The following ZDHHC6 variants were observed in gnomAD, a reference collection of about 807,000 sequenced individuals.
The protein encoded by ZDHHC6 is palmitoyltransferase ZDHHC6.
Under a neutral mutation model 57.8 loss-of-function variants are expected in ZDHHC6, and 32 were observed. That is an observed-to-expected ratio of 0.55 (90% CI 0.42 to 0.74). The LOEUF (loss-of-function observed/expected upper bound fraction) is 0.74. Ranked by LOEUF, ZDHHC6 falls within the 30% of genes least tolerant of loss-of-function variation. ZDHHC6 has a pLI of 0.00. For synonymous variants in ZDHHC6, 128 were observed against 158.0 expected (o/e 0.81, Z 1.42); for missense variants, 433 against 500.7 (o/e 0.86, Z 1.29).
rs150569777 is a variant in ZDHHC6 at position 112,444,264 on chromosome 10, C to T, written c.268-658G>A. On this transcript the variant is annotated intron_variant, in intron 2 of 10. Coordinates refer to ENST00000369405, the MANE Select transcript of ZDHHC6 (RefSeq NM_022494.3). ...CAGGGCTGTCTACTGTTTCTGAATA[C>T]GTGGTCCCACCATTCTTTCAACCTG... 3.1e-4 allele frequency among the ~76,000 whole-genome samples: 47 copies of T among 152,272 alleles called. No homozygotes were observed. The East Asian group carries it at 7.3e-3, about 24-fold the overall frequency.
intron 8 of ZDHHC6, 72 bp downstream of exon 8, chr10:112,433,168 T>C (rs1589722300): frequency 7.9e-7 from 1 of 1,268,000 alleles, no homozygotes; most frequent in Non-Finnish European, 1.1e-6. Context: ...AGTCAGTCAA[T>C]TAAAAAAACT....
chr10:112,444,997 A>G (rs559768540), intron 2 of ZDHHC6, among the ~76,000 whole-genome samples, 173 bp downstream of exon 2: 4 of 152,180 alleles, frequency 2.6e-5, no homozygotes, highest in Non-Finnish European at 5.9e-5. Context: ...CAATGTGTTC[A>G]AACAGATATG....
chr10:112,442,912 A>G (rs963444268), intron 3 of ZDHHC6, among the ~76,000 whole-genome samples: 2 of 140,744 alleles, frequency 1.4e-5, no homozygotes, highest in Non-Finnish European at 3.2e-5. Context: ...GATAGAAGAC[A>G]ATGTTTTGGC....
chr10:112,444,320 T>C (rs1414182267), intron 2 of ZDHHC6, among the ~76,000 whole-genome samples: 1 of 152,168 alleles, frequency 6.6e-6, no homozygotes, highest in East Asian at 1.9e-4. Context: ...CCTTTGGAAA[T>C]TCCCACTCCT....
At chr10:112,432,625 A>C (rs1845150964) in intron 8 of ZDHHC6, 104 bp from the exon 9 acceptor site, 1 of 1,419,788 alleles carries the variant, frequency 7.0e-7, no homozygotes. Flanking sequence ...ATCCAGTGAC[A>C]AGCCTTCTAG....
chr10:112,436,238 G>A (rs1257305174), intron 6 of ZDHHC6, among the ~76,000 whole-genome samples: 1 of 152,234 alleles, frequency 6.6e-6, no homozygotes, highest in Non-Finnish European at 1.5e-5. Context: ...ACTTTGGGAG[G>A]CCAAGGCGGG....
At chr10:112,447,018 T>TC, upstream of ZDHHC6, 2 of 297,796 alleles carry the variant, frequency 6.7e-6, no homozygotes, top group Non-Finnish European at 1.3e-5. Flanking sequence ...AGCGTGTGGA[T>TC]CCGGAGCCGA....
intron 3 of ZDHHC6, among the ~76,000 whole-genome samples, chr10:112,442,803 T>C (rs1021867230): frequency 6.6e-6 from 1 of 152,202 alleles, no homozygotes; most frequent in African/African-American, 2.4e-5. Flanking sequence ...TTCCTTCCTG[T>C]TCTCATAGTA....
chr10:112,434,479 GA>G lies in ZDHHC6; in HGVS notation c.736-16del. On this transcript the variant is annotated splice_polypyrimidine_tract_variant and intron_variant, in intron 6 of 10. Transcript: ENST00000369405. The stretch of plus-strand genomic sequence containing the variant: ...CGATCTTTAGCCTGTGGGTAACAAA[GA>G]TATAAGATGGCAGGTGCCTCTGTCT... 6.2e-7 allele frequency: 1 copy of G among 1,602,722 alleles called. No individual in the cohort carries two copies. Among genetic ancestry groups the G allele is most frequent in the Non-Finnish European group, 8.5e-7 (1 of 1,174,048 alleles).
At chr10:112,429,093 G>A (rs188960130), downstream of ZDHHC6, among the ~76,000 whole-genome samples, 478 of 152,250 alleles carry the variant, frequency 3.1e-3, no homozygotes, top group Non-Finnish European at 5.4e-3. Flanking sequence ...GCCTCCAACT[G>A]GAGTTAAAGA....
At chr10:112,425,436 G>C (rs1162508912), downstream of ZDHHC6, 1 of 1,613,242 alleles carries the variant, frequency 6.2e-7, no homozygotes, top group African/African-American at 1.3e-5. Flanking sequence ...TCTACAACAG[G>C]AGTCAACCAG....
chr10:112,431,373 G>A (rs1325744103), intron 10 of ZDHHC6, among the ~76,000 whole-genome samples: 1 of 151,802 alleles, frequency 6.6e-6, no homozygotes, highest in Admixed American at 6.6e-5. Flanking sequence ...TAGTGCAGTG[G>A]CACGATCTCA....
intron 5 of ZDHHC6, among the ~76,000 whole-genome samples, chr10:112,438,786 C>A (rs1301058869): frequency 6.6e-6 from 1 of 152,148 alleles, no homozygotes; most frequent in Non-Finnish European, 1.5e-5. Context: ...TACGATTAAT[C>A]TATTTATGAG....
downstream of ZDHHC6, chr10:112,425,500 A>G: frequency 5.1e-6 from 8 of 1,580,596 alleles, no homozygotes; most frequent in Non-Finnish European, 6.9e-6. Context: ...TCATTTTAAC[A>G]ATAGCCCATT....
chr10:112,437,066 C>G (rs1021503656), intron 6 of ZDHHC6, among the ~76,000 whole-genome samples: 1 of 151,748 alleles, frequency 6.6e-6, no homozygotes, highest in Non-Finnish European at 1.5e-5. Context: ...AACAGTCAGG[C>G]AGTCACTTCA....
Position 112,443,498 on chromosome 10 carries a change from G to A in ZDHHC6, c.359+17C>T. 6.2e-7 allele frequency: 1 copy of A among 1,610,520 alleles called. No individual in the cohort carries two copies. Among genetic ancestry groups the A allele is most frequent in the African/African-American group, 1.3e-5 (1 of 74,960 alleles). ...TTAGTTGATCAGTCCTCGCTGAACAGCAAGAAAGACAGGTACCTGTTACAC... is the reference window on the plus strand; with the variant it reads ...TTAGTTGATCAGTCCTCGCTGAACAACAAGAAAGACAGGTACCTGTTACAC... On this transcript the variant is annotated intron_variant, in intron 3 of 10. Coordinates refer to ENST00000369405, the MANE Select transcript of ZDHHC6 (RefSeq NM_022494.3).
At chr10:112,429,825 G>C (rs928350670), downstream of ZDHHC6, among the ~76,000 whole-genome samples, 60 of 152,346 alleles carry the variant, frequency 3.9e-4, 1 homozygote, top group African/African-American at 1.4e-3. Flanking sequence ...CCAAAGTCCA[G>C]AGGGGGCCTA....
upstream of ZDHHC6, chr10:112,447,181 C>A (rs1483381228): frequency 1.1e-5 from 6 of 566,160 alleles, no homozygotes; most frequent in East Asian, 2.8e-5. Flanking sequence ...AAAGCACGCA[C>A]GCAACCCAAT....
At chr10:112,447,455 C>G, upstream of ZDHHC6, 1 of 1,613,412 alleles carries the variant, frequency 6.2e-7, no homozygotes, top group Non-Finnish European at 8.5e-7. Context: ...GAGGGTCCCA[C>G]GACTCCCGCC....
Sources: gnomAD v4.1 joint callset for allele counts (sites outside exome capture counted in the v4.1 genomes callset) on GRCh38, gnomAD v4.1.1 for gene constraint, MANE v1.5 for transcripts, NCBI Gene and HGNC (gene_info 2026-07-23, HGNC 2026-07-21) for gene names.